The following RALY variants were observed in gnomAD, a reference collection of about 807,000 sequenced individuals.
RALY encodes RALY heterogeneous nuclear ribonucleoprotein.
In RALY, 15 loss-of-function variants were observed where a neutral mutation model predicts 30.7. That is an observed-to-expected ratio of 0.49 (90% CI 0.33 to 0.75). The LOEUF is 0.75. Among genes scored for constraint, RALY ranks in the 30% least tolerant of loss-of-function variants. RALY has a pLI of 0.02. For synonymous variants in RALY, 177 were observed against 170.8 expected, an observed-to-expected ratio of 1.04 and a Z score of -0.28; for missense variants, 339 against 414.3, an observed-to-expected ratio of 0.82 and a Z score of 1.58.
At chr20:34,029,459 AGGAGGGAGGGAGGGAGGAAAG>A (rs1369682677) in intron 1 of RALY, among the ~76,000 whole-genome samples, 1 of 93,042 alleles carries the variant, frequency 1.1e-5, no homozygotes. Context: ...AAAGGAAGAA[AGGAGGGAGGGAGGGAGGAAAG>A]GGAGGGAGGG....
chr20:34,034,586 C>T (rs2032408284), intron 2 of RALY, among the ~76,000 whole-genome samples: 1 of 152,202 alleles, frequency 6.6e-6, no homozygotes, highest in African/African-American at 2.4e-5. Context: ...ATAAGCTACC[C>T]ATATAATAGC....
At chr20:34,076,350 A>G (rs2033877333) in intron 6 of RALY, 1 of 504,658 alleles carries the variant, frequency 2.0e-6, no homozygotes, top group South Asian at 2.3e-5. Context: ...TCTGGTACAC[A>G]CATGCTGCTT....
chr20:34,037,341 T>C (rs2032534893), intron 2 of RALY, among the ~76,000 whole-genome samples: 3 of 152,136 alleles, frequency 2.0e-5, no homozygotes, highest in Admixed American at 2.0e-4. Context: ...AGGTGACACA[T>C]GGCAAGCCAG....
At chr20:34,009,321 C>T (rs964621569) in intron 1 of RALY, among the ~76,000 whole-genome samples, 4 of 152,094 alleles carry the variant, frequency 2.6e-5, no homozygotes, top group African/African-American at 9.7e-5. Context: ...TCACTGCAAC[C>T]TCTGCCTCCC....
At chr20:34,033,895 C>T (rs1167535942) in intron 2 of RALY, among the ~76,000 whole-genome samples, 1 of 152,158 alleles carries the variant, frequency 6.6e-6, no homozygotes, top group Non-Finnish European at 1.5e-5. Context: ...CTTTTGTGGG[C>T]CCTACCCATA....
At chr20:34,039,981 T>A (rs1200299461) in intron 2 of RALY, among the ~76,000 whole-genome samples, 2 of 151,954 alleles carry the variant, frequency 1.3e-5, no homozygotes, top group Non-Finnish European at 2.9e-5. Context: ...CATGGTGGCG[T>A]GTGCCAGTAA....
chr20:34,025,659 C>G (rs184883055), intron 1 of RALY, among the ~76,000 whole-genome samples: 1 of 149,900 alleles, frequency 6.7e-6, no homozygotes, highest in Non-Finnish European at 1.5e-5. Flanking sequence ...TTCTAAACAA[C>G]AAGAGTTCTG....
chr20:34,011,003 GTA>G (rs370503885), intron 1 of RALY, among the ~76,000 whole-genome samples: 23 of 122,888 alleles, frequency 1.9e-4, no homozygotes, highest in African/African-American at 6.8e-4. Flanking sequence ...TAGGATCTAA[GTA>G]TTTTTTGAGT....
At chr20:34,054,212 A>G (rs2033169410) in intron 2 of RALY, among the ~76,000 whole-genome samples, 1 of 152,208 alleles carries the variant, frequency 6.6e-6, no homozygotes. Flanking sequence ...CCCACCTAGG[A>G]TTCTTTCACC....
intron 2 of RALY, chr20:34,049,320 G>C (rs2032998387): frequency 6.5e-6 from 1 of 154,294 alleles, no homozygotes; most frequent in Non-Finnish European, 1.5e-5. Flanking sequence ...ATATGTTTCT[G>C]CTACCAATAT....
intron 1 of RALY, among the ~76,000 whole-genome samples, chr20:34,016,988 C>A (rs1326872197): frequency 1.5e-5 from 2 of 130,088 alleles, no homozygotes; most frequent in African/African-American, 5.9e-5. Flanking sequence ...TGAAATGGAT[C>A]TGGTTACACT....
rs144667524 is a variant in RALY at position 34,007,297 on chromosome 20, G to A, written c.-93+13166G>A. ...AGCACTTTGGGAGGCCAAGGCAGGC[G>A]GATCACGAGGTCAAGAGATCAAGAC... is the stretch of plus-strand genomic sequence containing the variant. On this transcript the variant is annotated intron_variant, in intron 1 of 9. Coordinates refer to ENST00000246194, the MANE Select transcript of RALY (RefSeq NM_016732.3). Among the ~76,000 whole-genome samples, 133 of 152,230 alleles carry A rather than the reference G, an allele frequency of 8.7e-4. 1 individual carries two copies. The highest frequency in any genetic ancestry group is 3.2e-3 in the African/African-American group (131 of 41,546).
intron 8 of RALY, 46 bp from the exon 9 acceptor site, chr20:34,078,459 G>T: frequency 6.6e-7 from 1 of 1,510,404 alleles, no homozygotes; most frequent in African/African-American, 1.4e-5. Context: ...AGGACTCAGA[G>T]CTGGCAATGA....
At chr20:34,066,348 G>A (rs566486965) in intron 2 of RALY, among the ~76,000 whole-genome samples, 10 of 151,998 alleles carry the variant, frequency 6.6e-5, no homozygotes, top group Non-Finnish European at 1.0e-4. Flanking sequence ...CTGTGGTGGC[G>A]GGCACCTGTA....
At chr20:34,068,109 T>C (rs899494314) in intron 2 of RALY, among the ~76,000 whole-genome samples, 1 of 152,106 alleles carries the variant, frequency 6.6e-6, no homozygotes, top group Non-Finnish European at 1.5e-5. Context: ...TAAATTTGCT[T>C]CTCTCCTTTC....
At position 34,021,530 on chromosome 20, in the gene RALY, T is replaced by G. The variant is rs184853473; in HGVS notation, c.-92-9992T>G. Among the ~76,000 whole-genome samples, 710 of 152,284 alleles carry G rather than the reference T, an allele frequency of 4.7e-3. 4 individuals are homozygous for G. Among genetic ancestry groups the G allele is most frequent in the Non-Finnish European group, 5.8e-3 (393 of 68,020 alleles). On this transcript the variant is annotated intron_variant, in intron 1 of 9. Coordinates refer to ENST00000246194, the MANE Select transcript of RALY (RefSeq NM_016732.3). ...AGACACTTTCCTGCAGTAATGACAT[T>G]AATCCATTCATGAAGGCAGAGCCCT...
chr20:34,070,568 G>C (rs1396787758), intron 2 of RALY, among the ~76,000 whole-genome samples: 6 of 152,204 alleles, frequency 3.9e-5, no homozygotes, highest in Non-Finnish European at 7.3e-5. Flanking sequence ...ATTCTCAGGT[G>C]AATGTGCTGA....
At chr20:34,027,464 TA>T (rs1337332667) in intron 1 of RALY, among the ~76,000 whole-genome samples, 1 of 152,232 alleles carries the variant, frequency 6.6e-6, no homozygotes, top group African/African-American at 2.4e-5. Flanking sequence ...AGGCCTGGCT[TA>T]AATCTTTGCT....
intron 2 of RALY, among the ~76,000 whole-genome samples, chr20:34,061,562 A>C (rs1049581547): frequency 1.3e-4 from 20 of 152,242 alleles, no homozygotes; most frequent in African/African-American, 4.8e-4. Flanking sequence ...TTTGAGAAGT[A>C]CTGACTTATT....
Sources: gnomAD v4.1 joint callset for allele counts (sites outside exome capture counted in the v4.1 genomes callset) on GRCh38, gnomAD v4.1.1 for gene constraint, MANE v1.5 for transcripts, NCBI Gene and HGNC (gene_info 2026-07-23, HGNC 2026-07-21) for gene names.